The following EPM2A variants were observed in gnomAD, a reference collection of about 807,000 sequenced individuals.
EPM2A encodes EPM2A glucan phosphatase, laforin, also known as laforin.
EPM2A carries 21 observed loss-of-function variants against 26.5 expected under a neutral mutation model. The observed-to-expected ratio is 0.79, with a 90% CI of 0.56 to 1.14. The LOEUF is 1.14. Ranked by LOEUF, EPM2A falls within the 50% of genes most tolerant of loss-of-function variation. The pLI, the probability that EPM2A is intolerant of heterozygous loss-of-function variation, is 0.00. For missense variants in EPM2A, 458 were observed against 440.8 expected (o/e 1.04, Z -0.35); for synonymous variants, 217 against 177.6 (o/e 1.22, Z -1.76).
intron 4 of EPM2A, among the ~76,000 whole-genome samples, chr6:145,486,701 G>A (rs1779682476): frequency 6.6e-6 from 1 of 151,864 alleles, no homozygotes; most frequent in Middle Eastern, 3.2e-3. Flanking sequence ...GTAAAATCAT[G>A]CAGTATTTTT....
intron 2 of EPM2A, among the ~76,000 whole-genome samples, chr6:145,572,474 C>T (rs1456423918): frequency 6.6e-6 from 1 of 152,204 alleles, no homozygotes; most frequent in African/African-American, 2.4e-5. Flanking sequence ...GCACGACCCA[C>T]TTTATGGCTA....
chr6:145,428,864 A>C (rs1159258084), intron 4 of EPM2A, among the ~76,000 whole-genome samples: 2 of 152,218 alleles, frequency 1.3e-5, no homozygotes, highest in Non-Finnish European at 2.9e-5. Flanking sequence ...TTGCTTTGGC[A>C]CTTATCATTA....
At chr6:145,507,763 A>G (rs1156419589) in intron 2 of EPM2A, among the ~76,000 whole-genome samples, 1 of 152,204 alleles carries the variant, frequency 6.6e-6, no homozygotes, top group Non-Finnish European at 1.5e-5. Context: ...TCCCAGCAGT[A>G]GATGCTAGAA....
intron 1 of EPM2A, 40 bp downstream of exon 1, chr6:145,735,158 C>A (rs1029858177): frequency 7.7e-6 from 11 of 1,432,374 alleles, no homozygotes; most frequent in African/African-American, 3.0e-5. Flanking sequence ...CGGGCCGGAG[C>A]TCCCGCTCTG....
At chr6:145,537,368 C>T (rs1780446057) in intron 2 of EPM2A, among the ~76,000 whole-genome samples, 1 of 152,142 alleles carries the variant, frequency 6.6e-6, no homozygotes, top group Non-Finnish European at 1.5e-5. Context: ...TGCTTTCCAG[C>T]CTGTCTCACA....
intron 2 of EPM2A, among the ~76,000 whole-genome samples, chr6:145,680,587 T>C (rs1011618210): frequency 6.7e-6 from 1 of 148,956 alleles, no homozygotes; most frequent in African/African-American, 2.5e-5. Context: ...TTCCCCTTCC[T>C]GTGTCCATGT....
chr6:145,649,839 C>T (rs760453384), intron 2 of EPM2A, among the ~76,000 whole-genome samples: 14 of 152,202 alleles, frequency 9.2e-5, no homozygotes, highest in Non-Finnish European at 1.9e-4. Flanking sequence ...AAAATATATA[C>T]TGCCCAACTC....
chr6:145,600,008 A>T (rs1358530826), intron 2 of EPM2A, among the ~76,000 whole-genome samples: 1 of 152,072 alleles, frequency 6.6e-6, no homozygotes, highest in Non-Finnish European at 1.5e-5. Context: ...ATTTTCTAAC[A>T]TGTCATTTCT....
At chr6:145,687,768 G>A (rs145418269) in intron 1 of EPM2A, among the ~76,000 whole-genome samples, 1 of 152,056 alleles carries the variant, frequency 6.6e-6, no homozygotes, top group Non-Finnish European at 1.5e-5. Flanking sequence ...TCAGACAGAA[G>A]GTACAGGATG....
intron 1 of EPM2A, among the ~76,000 whole-genome samples, chr6:145,712,894 G>A (rs1013396276): frequency 2.0e-5 from 3 of 152,054 alleles, no homozygotes; most frequent in Non-Finnish European, 2.9e-5. Flanking sequence ...AATCTGTAAA[G>A]GGCACCAATT....
At chr6:145,545,875 C>T (rs576070777) in intron 2 of EPM2A, among the ~76,000 whole-genome samples, 8 of 152,158 alleles carry the variant, frequency 5.3e-5, no homozygotes, top group South Asian at 4.1e-4. Context: ...CCTTTTTCTT[C>T]GCGTACACTT....
Position 145,627,610 on chromosome 6 carries a change from C to A in EPM2A, c.802G>T (p.Ala268Ser), listed in dbSNP as rs748514820. 6.2e-7 allele frequency: 1 copy of A among 1,614,194 alleles called. No homozygotes were observed. The highest frequency in any genetic ancestry group is 8.5e-7 in the Non-Finnish European group (1 of 1,180,044). ...GCCGCGGTGGAGCGGCCCACCCCAG[C>A]GTTGCAGTGCACGTACACGATGTGT... ...KGHIVYVHCN[A>S]GVGRSTAAVC... Residue 268 changes from alanine to serine, a missense_variant, in exon 4 of 4, where the codon GCT becomes TCT. Physicochemically the swap from Ala to Ser is moderately conservative, Grantham distance 99. Transcript: ENST00000367519.
At chr6:145,539,501 T>C (rs1419628905) in intron 2 of EPM2A, among the ~76,000 whole-genome samples, 2 of 152,152 alleles carry the variant, frequency 1.3e-5, no homozygotes, top group East Asian at 1.9e-4. Context: ...GGAGAATTTG[T>C]TGGTTGCACT....
At chr6:145,654,927 G>A (rs1486697645) in intron 2 of EPM2A, among the ~76,000 whole-genome samples, 2 of 151,206 alleles carry the variant, frequency 1.3e-5, no homozygotes, top group East Asian at 1.9e-4. Flanking sequence ...TTTTTTTACC[G>A]ATGATAGTAT....
intron 4 of EPM2A, among the ~76,000 whole-genome samples, chr6:145,388,757 T>C (rs1360233714): frequency 6.6e-6 from 1 of 152,204 alleles, no homozygotes; most frequent in Non-Finnish European, 1.5e-5. Flanking sequence ...AGTGAGAACA[T>C]GCAGTGTTTG....
At chr6:145,444,255 T>G (rs1175801590) in intron 4 of EPM2A, among the ~76,000 whole-genome samples, 1 of 152,218 alleles carries the variant, frequency 6.6e-6, no homozygotes, top group Non-Finnish European at 1.5e-5. Flanking sequence ...ATGGCTGTCA[T>G]TATTTTGAGG....
At chr6:145,404,102 T>C (rs1355130037) in intron 4 of EPM2A, among the ~76,000 whole-genome samples, 1 of 152,124 alleles carries the variant, frequency 6.6e-6, no homozygotes, top group East Asian at 1.9e-4. Context: ...GCCCATTTTT[T>C]TTATCAGATT....
intron 2 of EPM2A, among the ~76,000 whole-genome samples, chr6:145,569,129 A>G (rs1433157384): frequency 1.3e-5 from 2 of 152,254 alleles, no homozygotes; most frequent in African/African-American, 4.8e-5. Context: ...GCACTATGGC[A>G]TGGACTCTGT....
chr6:145,418,231 C>T (rs1176189573), intron 4 of EPM2A, among the ~76,000 whole-genome samples: 1 of 152,252 alleles, frequency 6.6e-6, no homozygotes, highest in Non-Finnish European at 1.5e-5. Flanking sequence ...TCAGGAAATG[C>T]TCTGAGAGAT....
Sources: gnomAD v4.1 joint callset for allele counts (sites outside exome capture counted in the v4.1 genomes callset) on GRCh38, gnomAD v4.1.1 for gene constraint, MANE v1.5 for transcripts, NCBI Gene and HGNC (gene_info 2026-07-23, HGNC 2026-07-21) for gene names.